Variants in NHS observed in about 807,000 individuals in gnomAD.
NHS encodes the protein NHS actin remodeling regulator.
A neutral mutation model predicts 72.5 loss-of-function variants in NHS; 5 were observed. The ratio of observed to expected loss-of-function variants is 0.07; its 90% CI spans 0.04 to 0.14. The LOEUF (loss-of-function observed/expected upper bound fraction) is 0.14. NHS is among the 10% of genes least tolerant of loss of function. NHS has a pLI of 1.00. For synonymous variants in NHS, 464 were observed against 547.7 expected (o/e 0.85, Z 2.13); for missense variants, 1,072 against 1,355.7 (o/e 0.79, Z 3.29).
chrX:17,588,442 C>T (rs2065586348), intron 1 of NHS, among the ~76,000 whole-genome samples: 2 of 112,120 alleles, frequency 1.8e-5, no homozygotes, highest in Non-Finnish European at 3.8e-5. Context: ...ATACAGAAGA[C>T]AGAGACAGTC....
At chrX:17,635,595 A>C in intron 1 of NHS, 1 of 1,167,047 alleles carries the variant, frequency 8.6e-7, no homozygotes, top group South Asian at 1.9e-5. Flanking sequence ...ATGCCCAAGA[A>C]TGCAGGTATT....
Position 17,733,263 on chromosome X carries a change from G to C in NHS, c.*799G>C, listed in dbSNP as rs1302937502. Reference sequence around the variant, plus strand: ...TAGCAACCCATGGCTGTGATTTGTTGTGTGGTAATTTGGACAGAATGAAAA... The same window carrying C: ...TAGCAACCCATGGCTGTGATTTGTTCTGTGGTAATTTGGACAGAATGAAAA... On this transcript the variant is annotated 3_prime_UTR_variant, in exon 9 of 9. Coordinates refer to ENST00000676302, the MANE Select transcript of NHS (RefSeq NM_001291867.2). The C allele has an allele frequency of 1.8e-5, 2 of 111,849 alleles. No individual in the cohort carries two copies. Among genetic ancestry groups the C allele is most frequent in the Non-Finnish European group, 3.8e-5 (2 of 53,087 alleles). The allele number at this position is 111,849 out of a possible 1,213,427, so 9.2% of individuals were successfully genotyped here.
chrX:17,696,819 A>T (rs1406261746), intron 3 of NHS, among the ~76,000 whole-genome samples: 1 of 111,722 alleles, frequency 9.0e-6, no homozygotes, highest in Admixed American at 9.5e-5. Context: ...TACACAGAAA[A>T]ACACACCATC....
At chrX:17,718,319 G>C (rs775853654) in intron 3 of NHS, among the ~76,000 whole-genome samples, 1 of 76,255 alleles carries the variant, frequency 1.3e-5, no homozygotes, top group East Asian at 5.0e-4. Flanking sequence ...AAAAAATAAA[G>C]ATAGGAAGGA....
At chrX:17,728,511 A>G (rs2066465957) in intron 7 of NHS, 138 bp from the exon 8 acceptor site, 1 of 934,525 alleles carries the variant, frequency 1.1e-6, no homozygotes, top group African/African-American at 2.0e-5. Context: ...TTTGACAGGT[A>G]TCTCTCTCAT....
At chrX:17,721,079 C>T (rs1416485089) in intron 4 of NHS, among the ~76,000 whole-genome samples, 1 of 111,585 alleles carries the variant, frequency 9.0e-6, no homozygotes, top group African/African-American at 3.3e-5. Flanking sequence ...ATCTAGAGAT[C>T]TCAAAACTTT....
intron 1 of NHS, among the ~76,000 whole-genome samples, chrX:17,380,599 C>T (rs1476026380): frequency 2.7e-5 from 3 of 111,456 alleles, no homozygotes; most frequent in East Asian, 5.7e-4. Context: ...GCAGTCCTCA[C>T]GCCTCCCAAA....
intron 1 of NHS, among the ~76,000 whole-genome samples, chrX:17,602,824 C>T (rs1472124762): frequency 9.9e-6 from 1 of 100,954 alleles, no homozygotes; most frequent in Non-Finnish European, 2.0e-5. Flanking sequence ...ATTTATGGGG[C>T]ACAACTACAA....
chrX:17,727,302 C>A lies in NHS; in HGVS notation c.3196C>A (p.Pro1066Thr). ...VPERKSSLQQ[P>T]SLKDGTISLS... ...AGAAAGAAAATCCTCACTACAGCAA[C>A]CCTCTTTAAAAGATGGAACTATATC... Residue 1066 changes from proline (P) to threonine (T), a missense_variant, in exon 7 of 9, where the codon CCC (proline) becomes ACC (threonine). Pro to Thr is a conservative substitution (Grantham distance 38, BLOSUM62 -1). Coordinates refer to ENST00000676302, the MANE Select transcript of NHS (RefSeq NM_001291867.2). 4.1e-6 allele frequency: 5 copies of A among 1,211,712 alleles called. No homozygotes were observed. Among genetic ancestry groups the A allele is most frequent in the Non-Finnish European group, 5.6e-6 (5 of 895,299 alleles).
At chrX:17,491,328 A>C (rs2064989967) in intron 1 of NHS, among the ~76,000 whole-genome samples, 1 of 111,637 alleles carries the variant, frequency 9.0e-6, no homozygotes, top group African/African-American at 3.3e-5. Context: ...TTTTAGCATG[A>C]AGGGGTGTTG....
intron 1 of NHS, among the ~76,000 whole-genome samples, chrX:17,606,731 G>A (rs1183120393): frequency 8.9e-6 from 1 of 111,819 alleles, no homozygotes; most frequent in Non-Finnish European, 1.9e-5. Flanking sequence ...CAGAAGACTG[G>A]AGCATGTTTT....
chrX:17,522,837 A>G (rs752485743), intron 1 of NHS, among the ~76,000 whole-genome samples: 2 of 111,498 alleles, frequency 1.8e-5, no homozygotes, highest in Admixed American at 1.9e-4. Context: ...TGAGAACCCA[A>G]CAAGGCCACC....
At chrX:17,384,676 G>A (rs977412445) in intron 1 of NHS, among the ~76,000 whole-genome samples, 1 of 111,966 alleles carries the variant, frequency 8.9e-6, no homozygotes, top group African/African-American at 3.2e-5. Context: ...TAGTTTTAAT[G>A]GGCATTACTT....
intron 1 of NHS, among the ~76,000 whole-genome samples, chrX:17,533,964 C>T (rs1051022898): frequency 8.8e-6 from 1 of 113,057 alleles, no homozygotes; most frequent in African/African-American, 3.2e-5. Context: ...CAGCACTTAA[C>T]AGAATTAATT....
intron 1 of NHS, among the ~76,000 whole-genome samples, chrX:17,660,574 T>C (rs933425494): frequency 8.9e-6 from 1 of 112,497 alleles, no homozygotes; most frequent in African/African-American, 3.2e-5. Flanking sequence ...GCTGGGTCAC[T>C]GGGCTGGCTG....
At chrX:17,700,985 TATA>T (rs1486193475) in intron 3 of NHS, among the ~76,000 whole-genome samples, 1 of 112,261 alleles carries the variant, frequency 8.9e-6, no homozygotes, top group Non-Finnish European at 1.9e-5. Context: ...CCCATAAAAT[TATA>T]ATGTCATATT....
intron 1 of NHS, among the ~76,000 whole-genome samples, chrX:17,406,801 A>G (rs2064531392): frequency 1.8e-5 from 2 of 112,009 alleles, no homozygotes; most frequent in African/African-American, 3.2e-5. Context: ...GATGAAGGCT[A>G]TAGTTTCCCC....
chrX:17,413,522 GATTA>G (rs1261026700), intron 1 of NHS, among the ~76,000 whole-genome samples: 5 of 112,228 alleles, frequency 4.5e-5, no homozygotes, highest in African/African-American at 1.6e-4. Flanking sequence ...TGGTTAGATT[GATTA>G]ATCGTTTCAG....
At chrX:17,679,291 G>T (rs1373398074) in intron 1 of NHS, among the ~76,000 whole-genome samples, 1 of 111,560 alleles carries the variant, frequency 9.0e-6, no homozygotes, top group East Asian at 2.8e-4. Context: ...CAATCCTGTG[G>T]ATAAATGAAA....
Sources: allele counts gnomAD v4.1 joint callset (sites outside exome capture counted in the v4.1 genomes callset), GRCh38; gene constraint gnomAD v4.1.1; transcripts MANE v1.5; gene names NCBI Gene and HGNC (gene_info 2026-07-23, HGNC 2026-07-21).